Variants in NPAS3 observed in about 807,000 individuals in gnomAD.
The protein encoded by NPAS3 is neuronal PAS domain protein 3.
NPAS3 carries 14 observed loss-of-function variants against 73.1 expected under a neutral mutation model. The ratio of observed to expected loss-of-function variants is 0.19; its 90% confidence interval spans 0.13 to 0.30. The LOEUF (loss-of-function observed/expected upper bound fraction) is 0.30. NPAS3 is among the 10% of genes least tolerant of loss of function. The pLI is 1.00. For synonymous variants in NPAS3, 620 were observed against 541.5 expected (o/e 1.14, Z -2.01); for missense variants, 1,096 against 1,250.0 (o/e 0.88, Z 1.86).
chr14:33,268,926 A>G (rs369935128), intron 3 of NPAS3, among the ~76,000 whole-genome samples: 1 of 152,166 alleles, frequency 6.6e-6, no homozygotes, highest in African/African-American at 2.4e-5. Flanking sequence ...TCTAATTCAC[A>G]TCTTCTGTGC....
At chr14:33,569,562 G>A (rs2056114304) in intron 5 of NPAS3, among the ~76,000 whole-genome samples, 1 of 151,964 alleles carries the variant, frequency 6.6e-6, no homozygotes, top group Non-Finnish European at 1.5e-5. Context: ...CTCGCCAATA[G>A]AAACATTGTT....
intron 1 of NPAS3, among the ~76,000 whole-genome samples, chr14:32,961,570 CATATCATGTG>C (rs1468188841): frequency 6.6e-6 from 1 of 152,144 alleles, no homozygotes; most frequent in Admixed American, 6.5e-5. Context: ...CAATAGTGTG[CATATCATGTG>C]ATATCCTACA....
intron 6 of NPAS3, among the ~76,000 whole-genome samples, chr14:33,729,847 T>C (rs900725976): frequency 2.2e-4 from 34 of 152,146 alleles, no homozygotes; most frequent in African/African-American, 8.0e-4. Flanking sequence ...AGGAGGAGTT[T>C]TGAAGAATTT....
intron 2 of NPAS3, among the ~76,000 whole-genome samples, chr14:33,070,259 C>G (rs2041437464): frequency 6.6e-6 from 1 of 152,062 alleles, no homozygotes; most frequent in Non-Finnish European, 1.5e-5. Context: ...TTATATTTTG[C>G]TACCTAATAT....
chr14:33,732,546 G>C (rs2061426469), intron 6 of NPAS3, among the ~76,000 whole-genome samples: 1 of 152,146 alleles, frequency 6.6e-6, no homozygotes, highest in African/African-American at 2.4e-5. Flanking sequence ...TTGTGCCCCT[G>C]TCCTCAGAAG....
intron 5 of NPAS3, among the ~76,000 whole-genome samples, chr14:33,585,755 C>G (rs147425902): frequency 6.6e-6 from 1 of 152,262 alleles, no homozygotes; most frequent in Non-Finnish European, 1.5e-5. Flanking sequence ...CGCTGAGAAT[C>G]ATGCTGGTGC....
At chr14:33,780,949 C>A (rs1435008384) in intron 9 of NPAS3, 1 of 214,718 alleles carries the variant, frequency 4.7e-6, no homozygotes, top group Non-Finnish European at 9.4e-6. Context: ...TGATTGGGTT[C>A]ATTCTTTTAA....
chr14:33,757,585 T>C (rs911677783), intron 7 of NPAS3, among the ~76,000 whole-genome samples: 4 of 152,114 alleles, frequency 2.6e-5, no homozygotes, highest in Admixed American at 6.5e-5. Context: ...GCCCACCCAA[T>C]TGTCCAGATG....
intron 1 of NPAS3, among the ~76,000 whole-genome samples, chr14:32,995,762 A>G (rs1011471912): frequency 6.6e-6 from 1 of 152,202 alleles, no homozygotes; most frequent in East Asian, 1.9e-4. Flanking sequence ...TTCTCCAGCC[A>G]TGTGGAACTG....
chr14:32,996,691 A>G (rs2038589081), intron 1 of NPAS3, among the ~76,000 whole-genome samples: 1 of 152,194 alleles, frequency 6.6e-6, no homozygotes, highest in Non-Finnish European at 1.5e-5. Flanking sequence ...ACAGAAGTCA[A>G]GAATTGAGGT....
At chr14:33,763,954 T>C (rs559607477) in intron 7 of NPAS3, among the ~76,000 whole-genome samples, 1 of 152,040 alleles carries the variant, frequency 6.6e-6, no homozygotes, top group South Asian at 2.1e-4. Context: ...GGGGATGGCT[T>C]CTTTAAAAAA....
chr14:33,648,260 G>C (rs1172741568), intron 5 of NPAS3, among the ~76,000 whole-genome samples: 3 of 152,196 alleles, frequency 2.0e-5, no homozygotes, highest in Non-Finnish European at 4.4e-5. Context: ...CCAGCTTTGT[G>C]TTGTGAATGT....
chr14:33,250,653 T>C (rs2048548599), intron 3 of NPAS3, among the ~76,000 whole-genome samples: 1 of 152,156 alleles, frequency 6.6e-6, no homozygotes, highest in African/African-American at 2.4e-5. Flanking sequence ...GAATGATCTT[T>C]ACATTCAAAA....
At chr14:33,268,957 C>G (rs1307458553) in intron 3 of NPAS3, among the ~76,000 whole-genome samples, 1 of 152,144 alleles carries the variant, frequency 6.6e-6, no homozygotes, top group Non-Finnish European at 1.5e-5. Flanking sequence ...TACTGATTCC[C>G]TTGAAGTGAA....
At chr14:33,510,553 G>A (rs2052998963) in intron 4 of NPAS3, among the ~76,000 whole-genome samples, 1 of 152,052 alleles carries the variant, frequency 6.6e-6, no homozygotes, top group Non-Finnish European at 1.5e-5. Flanking sequence ...TATGTTGTAA[G>A]GAATTCATTT....
At chr14:33,350,819 T>TA (rs1262654735) in intron 3 of NPAS3, among the ~76,000 whole-genome samples, 1 of 152,184 alleles carries the variant, frequency 6.6e-6, no homozygotes, top group Non-Finnish European at 1.5e-5. Context: ...ACATACTCAT[T>TA]AGAGACAGGT....
chr14:33,338,125 T>G (rs936997932), intron 3 of NPAS3, among the ~76,000 whole-genome samples: 3 of 152,134 alleles, frequency 2.0e-5, no homozygotes, highest in African/African-American at 7.2e-5. Flanking sequence ...GAAAGAGCTC[T>G]TCAAAGAGCA....
intron 2 of NPAS3, among the ~76,000 whole-genome samples, chr14:33,151,497 T>G (rs78841908): frequency 6.6e-6 from 1 of 152,228 alleles, no homozygotes; most frequent in Non-Finnish European, 1.5e-5. Flanking sequence ...CATTTTCTTG[T>G]GTATGCCTAA....
intron 5 of NPAS3, among the ~76,000 whole-genome samples, chr14:33,649,659 G>T (rs1359444768): frequency 6.6e-6 from 1 of 152,160 alleles, no homozygotes; most frequent in African/African-American, 2.4e-5. Flanking sequence ...GAAGTGAGCT[G>T]AATTTTACTA....
Sources: gnomAD v4.1 joint callset for allele counts (sites outside exome capture counted in the v4.1 genomes callset) on GRCh38, gnomAD v4.1.1 for gene constraint, MANE v1.5 for transcripts, NCBI Gene and HGNC (gene_info 2026-07-23, HGNC 2026-07-21) for gene names.